Variants in STK24 observed in about 807,000 individuals in gnomAD.
STK24 encodes serine/threonine-protein kinase 24.
STK24 carries 21 observed loss-of-function variants against 55.6 expected under a neutral mutation model. The ratio of observed to expected loss-of-function variants is 0.38; its 90% confidence interval spans 0.27 to 0.54. The LOEUF (loss-of-function observed/expected upper bound fraction) is 0.54, where lower values mean the gene tolerates loss of function less well. Among genes scored for constraint, STK24 ranks in the 20% least tolerant of loss-of-function variants. STK24 has a pLI of 0.79. For synonymous variants in STK24, 200 were observed against 215.2 expected, an observed-to-expected ratio of 0.93 and a Z score of 0.62; for missense variants, 383 against 538.4, an observed-to-expected ratio of 0.71 and a Z score of 2.86.
chr13:98,534,143 C>A (rs1449491217), intron 1 of STK24, among the ~76,000 whole-genome samples: 2 of 152,192 alleles, frequency 1.3e-5, no homozygotes, highest in Non-Finnish European at 1.5e-5. Context: ...AGCTCCAGCA[C>A]CCCCGGAGTC....
At chr13:98,557,815 TCCTTTCC>T (rs1594668634) in intron 1 of STK24, among the ~76,000 whole-genome samples, 1 of 152,228 alleles carries the variant, frequency 6.6e-6, no homozygotes, top group African/African-American at 2.4e-5. Flanking sequence ...TTGTTCTCTT[TCCTTTCC>T]CCTTAAGTCC....
At chr13:98,491,425 C>T (rs1393646660) in intron 2 of STK24, among the ~76,000 whole-genome samples, 2 of 152,150 alleles carry the variant, frequency 1.3e-5, no homozygotes, top group South Asian at 2.1e-4. Context: ...TGGCAACAAA[C>T]GTTCACTGGG....
At chr13:98,474,727 C>T in intron 5 of STK24, 94 bp downstream of exon 5, 8 of 1,472,128 alleles carry the variant, frequency 5.4e-6, no homozygotes, top group South Asian at 2.7e-5. Flanking sequence ...GTACCAGCTT[C>T]GTTCCAACTT....
chr13:98,479,738 G>C (rs1437231084), intron 3 of STK24, among the ~76,000 whole-genome samples: 4 of 152,154 alleles, frequency 2.6e-5, no homozygotes, highest in Non-Finnish European at 5.9e-5. Flanking sequence ...CTTGCACCTC[G>C]AGGGGGCCCG....
chr13:98,570,736 CA>C (rs1313590318), intron 1 of STK24, among the ~76,000 whole-genome samples: 1 of 152,142 alleles, frequency 6.6e-6, no homozygotes. Context: ...CCTTGCAAAC[CA>C]GGGAGCCATT....
intron 2 of STK24, among the ~76,000 whole-genome samples, chr13:98,509,794 C>T (rs1225734116): frequency 3.3e-5 from 5 of 152,088 alleles, no homozygotes; most frequent in African/African-American, 4.8e-5. Flanking sequence ...CAGAGCCCCA[C>T]GCCCTGTTCC....
At chr13:98,475,211 T>G (rs1432088005) in intron 4 of STK24, 39 bp downstream of exon 4, 3 of 1,553,822 alleles carry the variant, frequency 1.9e-6, no homozygotes, top group Admixed American at 3.5e-5. Context: ...CACCACCACC[T>G]TCAGTATTTC....
intron 2 of STK24, among the ~76,000 whole-genome samples, chr13:98,486,145 T>G (rs1306894887): frequency 6.6e-6 from 1 of 150,490 alleles, no homozygotes; most frequent in Admixed American, 6.6e-5. Context: ...CCATGGCACA[T>G]CTATACCTAT....
chr13:98,572,448 T>A (rs1277082185), intron 1 of STK24, among the ~76,000 whole-genome samples: 1 of 151,968 alleles, frequency 6.6e-6, no homozygotes, highest in African/African-American at 2.4e-5. Context: ...CCCGTGGAAA[T>A]GTGACACTAA....
intron 1 of STK24, among the ~76,000 whole-genome samples, chr13:98,534,939 C>A (rs1352251734): frequency 2.0e-5 from 3 of 152,212 alleles, no homozygotes; most frequent in Non-Finnish European, 4.4e-5. Context: ...ATTGCAATTC[C>A]CCTGTCTTGA....
chr13:98,473,411 G>A (rs1434855438), intron 5 of STK24, among the ~76,000 whole-genome samples: 1 of 150,512 alleles, frequency 6.6e-6, no homozygotes, highest in Non-Finnish European at 1.5e-5. Context: ...ATGGGTTCTA[G>A]TCTCAGCCTT....
chr13:98,469,491 G>A (rs1894054289), intron 5 of STK24, among the ~76,000 whole-genome samples: 1 of 151,734 alleles, frequency 6.6e-6, no homozygotes, highest in Non-Finnish European at 1.5e-5. Flanking sequence ...AGAAGTTGCA[G>A]TGAGCGAGAT....
intron 1 of STK24, among the ~76,000 whole-genome samples, chr13:98,572,061 T>A (rs906895050): frequency 2.0e-5 from 3 of 152,186 alleles, no homozygotes; most frequent in Admixed American, 1.3e-4. Context: ...AGGACCGATC[T>A]AGATCTAGCC....
At chr13:98,524,842 A>G (rs191550541) in intron 1 of STK24, among the ~76,000 whole-genome samples, 21 of 152,268 alleles carry the variant, frequency 1.4e-4, no homozygotes, top group Admixed American at 9.8e-4. Context: ...CTCTTTTACT[A>G]TTGTCCCAAA....
At chr13:98,535,398 T>TACACAC (rs56768700) in intron 1 of STK24, among the ~76,000 whole-genome samples, 69 of 142,798 alleles carry the variant, frequency 4.8e-4, no homozygotes, top group African/African-American at 1.3e-3. Context: ...TATGTGTGTA[T>TACACAC]ACACACACAC....
At chr13:98,489,354 A>C (rs113631968) in intron 2 of STK24, among the ~76,000 whole-genome samples, 1 of 152,180 alleles carries the variant, frequency 6.6e-6, no homozygotes, top group Non-Finnish European at 1.5e-5. Flanking sequence ...GCAGCCCCTG[A>C]CCATCTTCAA....
intron 1 of STK24, among the ~76,000 whole-genome samples, chr13:98,520,097 C>A (rs543225823): frequency 6.6e-6 from 1 of 152,324 alleles, no homozygotes; most frequent in East Asian, 1.9e-4. Flanking sequence ...TGATTAGTTA[C>A]ACATACATAT....
chr13:98,550,715 C>A (rs1175556387), intron 1 of STK24, among the ~76,000 whole-genome samples: 3 of 151,736 alleles, frequency 2.0e-5, no homozygotes, highest in East Asian at 1.9e-4. Context: ...AAGCTCTGGG[C>A]TCAAAGGTAA....
At chr13:98,501,823 G>T (rs1895475059) in intron 2 of STK24, among the ~76,000 whole-genome samples, 1 of 152,154 alleles carries the variant, frequency 6.6e-6, no homozygotes, top group Admixed American at 6.5e-5. Flanking sequence ...CACGGCCCAA[G>T]GTCCCCATTT....
Sources: gnomAD v4.1 joint callset for allele counts (sites outside exome capture counted in the v4.1 genomes callset) on GRCh38, gnomAD v4.1.1 for gene constraint, MANE v1.5 for transcripts, NCBI Gene and HGNC (gene_info 2026-07-23, HGNC 2026-07-21) for gene names.